The following BCAR3 variants were observed in gnomAD, a reference collection of about 807,000 sequenced individuals.
The protein encoded by BCAR3 is breast cancer anti-estrogen resistance protein 3.
In BCAR3, 37 loss-of-function variants were observed where a neutral mutation model predicts 80.1. The observed-to-expected ratio is 0.46, with a 90% CI of 0.36 to 0.61. The LOEUF is 0.61. BCAR3 is among the 20% of genes least tolerant of loss of function. BCAR3 has a pLI of 0.00. For missense variants in BCAR3, 978 were observed against 1,068.2 expected, an observed-to-expected ratio of 0.92 and a Z score of 1.18; for synonymous variants, 389 against 418.9, an observed-to-expected ratio of 0.93 and a Z score of 0.87.
chr1:93,846,476 G>C (rs1394284030), intron 1 of BCAR3, among the ~76,000 whole-genome samples: 1 of 152,016 alleles, frequency 6.6e-6, no homozygotes, highest in Admixed American at 6.5e-5. Context: ...CTATTTCAAA[G>C]GGCTTCGGGG....
intron 3 of BCAR3, among the ~76,000 whole-genome samples, chr1:93,633,561 T>C (rs1462414008): frequency 1.3e-5 from 2 of 152,198 alleles, no homozygotes; most frequent in Non-Finnish European, 2.9e-5. Flanking sequence ...CTCCCTGGTG[T>C]GGCCCATCTC....
intron 11 of BCAR3, among the ~76,000 whole-genome samples, chr1:93,566,339 T>G (rs569568178): frequency 7.2e-5 from 11 of 152,242 alleles, no homozygotes; most frequent in Non-Finnish European, 1.2e-4. Flanking sequence ...TGTCACCAGG[T>G]GCTTCCTCTT....
At chr1:93,832,154 C>T (rs994137329) in intron 2 of BCAR3, among the ~76,000 whole-genome samples, 1 of 152,192 alleles carries the variant, frequency 6.6e-6, no homozygotes, top group African/African-American at 2.4e-5. Context: ...TTAACTTCGC[C>T]TTCAAGGTGT....
chr1:93,623,720 A>T (rs1675379781), intron 3 of BCAR3, among the ~76,000 whole-genome samples: 1 of 152,152 alleles, frequency 6.6e-6, no homozygotes, highest in Non-Finnish European at 1.5e-5. Flanking sequence ...TTCCTAGCTC[A>T]CACCATCAAT....
chr1:93,603,606 C>G (rs1334687310), intron 3 of BCAR3, among the ~76,000 whole-genome samples: 1 of 152,208 alleles, frequency 6.6e-6, no homozygotes, highest in African/African-American at 2.4e-5. Flanking sequence ...CTTCCTAATC[C>G]ATGCACACTT....
intron 2 of BCAR3, among the ~76,000 whole-genome samples, chr1:93,715,648 A>G (rs1422624205): frequency 6.6e-6 from 1 of 152,206 alleles, no homozygotes; most frequent in Non-Finnish European, 1.5e-5. Flanking sequence ...GACACTCGAA[A>G]CTATTTATGG....
At chr1:93,660,612 C>A (rs1025036613) in intron 2 of BCAR3, among the ~76,000 whole-genome samples, 1 of 152,194 alleles carries the variant, frequency 6.6e-6, no homozygotes, top group African/African-American at 2.4e-5. Flanking sequence ...TGTTGGGAAT[C>A]ATATTAAGGT....
At chr1:93,834,485 A>C (rs1654692669) in intron 2 of BCAR3, among the ~76,000 whole-genome samples, 1 of 152,040 alleles carries the variant, frequency 6.6e-6, no homozygotes, top group African/African-American at 2.4e-5. Flanking sequence ...AGCTCTCCCT[A>C]ACTCATCCCA....
At chr1:93,725,363 C>T (rs1650544580) in intron 2 of BCAR3, among the ~76,000 whole-genome samples, 1 of 152,170 alleles carries the variant, frequency 6.6e-6, no homozygotes, top group Admixed American at 6.5e-5. Context: ...TTAAAATGGC[C>T]CAGCCTGCCT....
intron 2 of BCAR3, among the ~76,000 whole-genome samples, chr1:93,806,817 T>G (rs1372706570): frequency 1.3e-5 from 2 of 152,114 alleles, no homozygotes; most frequent in Admixed American, 6.6e-5. Context: ...TCAATAGAAG[T>G]TATAAAAGAA....
chr1:93,597,577 T>G (rs1225104926), intron 3 of BCAR3, among the ~76,000 whole-genome samples: 1 of 152,206 alleles, frequency 6.6e-6, no homozygotes, highest in Non-Finnish European at 1.5e-5. Flanking sequence ...TGATAATATG[T>G]CATGAGGTGT....
intron 2 of BCAR3, among the ~76,000 whole-genome samples, chr1:93,814,289 A>G (rs1653945389): frequency 6.6e-6 from 1 of 152,178 alleles, no homozygotes; most frequent in Admixed American, 6.5e-5. Flanking sequence ...TTGACAAAGG[A>G]CCAGATGCCC....
At position 93,586,986 on chromosome 1, in the gene BCAR3, G is replaced by C. The variant is rs571421478; in HGVS notation, c.929+1991C>G. On this transcript the variant is annotated intron_variant, in intron 5 of 11. Transcript: ENST00000260502. This position sits in a 1 kb window ranked among gnomAD's most constrained non-coding sequence, Gnocchi z 4.2. ...GATGGGGTTTTGCCATGTTGGCCAG[G>C]TTGGTCTTGAACTCCTGAACTCAGG... 1.2e-4 allele frequency among the ~76,000 whole-genome samples: 19 copies of C among 152,164 alleles called. No homozygotes were observed. Among genetic ancestry groups the C allele is most frequent in the Non-Finnish European group, 2.6e-4 (18 of 68,024 alleles).
chr1:93,757,755 G>C lies in BCAR3; in HGVS notation c.-62-51613C>G, dbSNP rs562853197. On this transcript the variant is annotated intron_variant, in intron 2 of 13. Coordinates refer to the BCAR3 transcript ENST00000370244. ...CCACACAGCTTCCTTGCTGGTGTGA[G>C]AGTAGCCTGCAGAATGCACATGCTG... Among the ~76,000 whole-genome samples the C allele has an allele frequency of 4.6e-4, 70 of 152,346 alleles. 1 individual carries two copies. The South Asian group carries it at 0.014, about 30-fold the overall frequency.
intron 2 of BCAR3, among the ~76,000 whole-genome samples, chr1:93,810,338 G>T (rs181626663): frequency 1.3e-5 from 2 of 151,890 alleles, no homozygotes; most frequent in East Asian, 1.9e-4. Flanking sequence ...CACACAAAAA[G>T]ACTTTTTTGA....
intron 2 of BCAR3, among the ~76,000 whole-genome samples, chr1:93,719,493 A>G (rs2101985473): frequency 6.6e-6 from 1 of 150,986 alleles, no homozygotes. Flanking sequence ...GGCGCCCACC[A>G]CCACGCCCGG....
chr1:93,750,630 T>A (rs954094985), intron 2 of BCAR3, among the ~76,000 whole-genome samples: 1 of 152,170 alleles, frequency 6.6e-6, no homozygotes, highest in East Asian at 1.9e-4. Context: ...CTGGTTCTCT[T>A]GGGACACTTG....
chr1:93,678,985 T>C (rs574314960), intron 1 of BCAR3, among the ~76,000 whole-genome samples: 8 of 152,290 alleles, frequency 5.3e-5, no homozygotes, highest in African/African-American at 1.9e-4. Flanking sequence ...ATATACTTCT[T>C]ATGTACCATT....
intron 2 of BCAR3, among the ~76,000 whole-genome samples, chr1:93,766,565 A>G (rs1652158278): frequency 1.3e-5 from 2 of 152,246 alleles, no homozygotes; most frequent in East Asian, 3.8e-4. Flanking sequence ...ACTGCCGTCC[A>G]GAGCCGCTGC....
Sources: gnomAD v4.1 joint callset for allele counts (sites outside exome capture counted in the v4.1 genomes callset) on GRCh38, gnomAD v4.1.1 for gene constraint, Gnocchi (gnomAD v3.1) non-coding constraint, MANE v1.5 for transcripts, NCBI Gene and HGNC (gene_info 2026-07-23, HGNC 2026-07-21) for gene names.